PCDHA4: variants seen among roughly 807,000 people sequenced by gnomAD.
The protein encoded by PCDHA4 is protocadherin alpha 4.
Under a neutral mutation model 61.4 loss-of-function variants are expected in PCDHA4, and 49 were observed. That is an observed-to-expected ratio of 0.80 (90% CI 0.63 to 1.01). The LOEUF (loss-of-function observed/expected upper bound fraction) is 1.01, where lower values mean the gene tolerates loss of function less well. Among genes scored for constraint, PCDHA4 ranks in the 50% least tolerant of loss-of-function variants. The probability of loss-of-function intolerance (pLI) is 0.00; values close to 1 mark genes in which losing one functional copy is unlikely to be tolerated. For missense variants in PCDHA4, 1,254 were observed against 1,235.8 expected (o/e 1.01, Z -0.22); for synonymous variants, 590 against 550.3 (o/e 1.07, Z -1.01).
chr5:140,884,534 C>T (rs781847666), intron 1 of PCDHA4: 3 of 1,614,180 alleles, frequency 1.9e-6, no homozygotes, highest in Admixed American at 3.3e-5. Context: ...GCAGAGGCGG[C>T]CGAGGGTGTG....
intron 1 of PCDHA4, among the ~76,000 whole-genome samples, chr5:140,963,103 G>A (rs2095737477): frequency 1.3e-5 from 2 of 151,910 alleles, no homozygotes; most frequent in South Asian, 4.1e-4. Flanking sequence ...CTGCTTTCAG[G>A]TTGCTTATAA....
In PCDHA4 at chr5:141,010,461, G is replaced by A; in HGVS notation, c.*524G>A. The A allele has an allele frequency of 1.2e-6, 1 of 823,014 alleles. No homozygotes were observed. The highest frequency in any genetic ancestry group is 1.8e-6 in the Non-Finnish European group (1 of 553,022). The allele number at this position is 823,014 out of a possible 1,614,324, so 51.0% of individuals were successfully genotyped here. A position where few individuals can be genotyped will look rare whatever the true frequency, so the allele number is the denominator to read the frequency against. On this transcript the variant is annotated 3_prime_UTR_variant, in exon 4 of 4. Transcript: ENST00000530339. ...GACAAATAAACAGCGGAAGTTATCA[G>A]TATGGAGGGGAAGTGTAAACTTAAA...
chr5:140,850,343 C>T, intron 1 of PCDHA4: 1 of 1,597,790 alleles, frequency 6.3e-7, no homozygotes. Flanking sequence ...CAGAAACGGC[C>T]AGCGCGAGCA....
Position 140,828,872 on chromosome 5 carries a change from G to A in PCDHA4, c.2385+19300G>A, listed in dbSNP as rs1769998311. 15 of 1,614,106 alleles carry A rather than the reference G, an allele frequency of 9.3e-6. No individual in the cohort carries two copies. The highest frequency in any genetic ancestry group is 1.2e-5 in the Non-Finnish European group (14 of 1,180,040). On this transcript the variant is annotated intron_variant, in intron 1 of 3. Coordinates refer to ENST00000530339, the MANE Select transcript of PCDHA4 (RefSeq NM_018907.4). ...CGAAAATGCAGACAACGGAACAACA[G>A]TTATCAGACTGAATGCTTCTGATCG...
chr5:140,843,058 G>A, intron 1 of PCDHA4: 3 of 1,595,232 alleles, frequency 1.9e-6, no homozygotes, highest in Non-Finnish European at 2.6e-6. Flanking sequence ...CAGCGAGCAA[G>A]CTGGTGCCGC....
At chr5:140,887,679 C>G (rs2061539498) in intron 1 of PCDHA4, among the ~76,000 whole-genome samples, 1 of 152,058 alleles carries the variant, frequency 6.6e-6, no homozygotes, top group East Asian at 1.9e-4. Flanking sequence ...TCATTTTCAT[C>G]AAATTCAGGA....
chr5:140,830,375 G>A, intron 1 of PCDHA4: 1 of 1,614,172 alleles, frequency 6.2e-7, no homozygotes, highest in Non-Finnish European at 8.5e-7. Flanking sequence ...GTGCTCCGGG[G>A]AGGGCCCACC....
At chr5:140,826,525 A>G (rs1377538782) in intron 1 of PCDHA4, among the ~76,000 whole-genome samples, 2 of 152,162 alleles carry the variant, frequency 1.3e-5, no homozygotes, top group East Asian at 3.8e-4. Flanking sequence ...GTCATTTGAA[A>G]AGTCTTATTG....
intron 1 of PCDHA4, chr5:140,849,857 G>T (rs2150454251): frequency 1.9e-6 from 3 of 1,598,510 alleles, no homozygotes; most frequent in African/African-American, 2.7e-5. Context: ...ACGCACCAGC[G>T]TTCGCGCAGT....
chr5:140,818,971 T>G (rs1554127584), intron 1 of PCDHA4, among the ~76,000 whole-genome samples: 1 of 152,246 alleles, frequency 6.6e-6, no homozygotes, highest in East Asian at 1.9e-4. Flanking sequence ...AGGGATATGT[T>G]AGAACTATTC....
At chr5:140,914,033 G>A (rs1192515722) in intron 1 of PCDHA4, among the ~76,000 whole-genome samples, 1 of 152,138 alleles carries the variant, frequency 6.6e-6, no homozygotes, top group Non-Finnish European at 1.5e-5. Context: ...GTGCTGAGAA[G>A]AATGTGTATT....
At chr5:140,955,771 A>G (rs527455823) in intron 1 of PCDHA4, among the ~76,000 whole-genome samples, 1 of 152,168 alleles carries the variant, frequency 6.6e-6, no homozygotes, top group Admixed American at 6.5e-5. Context: ...GATTCTGTCT[A>G]TCCATGAGCA....
intron 3 of PCDHA4, among the ~76,000 whole-genome samples, chr5:141,000,403 A>G (rs1233777704): frequency 4.8e-5 from 4 of 84,110 alleles, no homozygotes; most frequent in Non-Finnish European, 9.0e-5. Context: ...CTCTATATAT[A>G]TATATATATA....
In PCDHA4 at chr5:140,904,046, T is replaced by C. The variant is rs2153483198; in HGVS notation, c.2386-74903T>C. 2.0e-5 allele frequency among the ~76,000 whole-genome samples: 3 copies of C among 152,346 alleles called. No homozygotes were observed. The East Asian group carries it at 5.8e-4, about 29-fold the overall frequency. ...GTATAATTTAACTTTTTAATTTTTT[T>C]ATTTCAATGGGTTTTTGGGGAACAG... On this transcript the variant is annotated intron_variant, in intron 1 of 3. Coordinates refer to ENST00000530339, the MANE Select transcript of PCDHA4 (RefSeq NM_018907.4).
chr5:140,829,719 C>G (rs2150173312), intron 1 of PCDHA4: 42 of 1,613,424 alleles, frequency 2.6e-5, no homozygotes, highest in Non-Finnish European at 3.3e-5. Context: ...GCGGGCGTGC[C>G]GCCTCTGGGC....
At chr5:140,846,379 T>C (rs1554141291) in intron 1 of PCDHA4, among the ~76,000 whole-genome samples, 2 of 135,592 alleles carry the variant, frequency 1.5e-5, no homozygotes, top group South Asian at 2.3e-4. Context: ...CTTTCTTTTT[T>C]TTTTTTTTTT....
intron 1 of PCDHA4, among the ~76,000 whole-genome samples, chr5:140,891,210 G>A (rs2062986388): frequency 1.3e-5 from 2 of 152,180 alleles, no homozygotes; most frequent in South Asian, 4.1e-4. Context: ...TTACCATGCT[G>A]TGTCTTTATA....
chr5:140,836,968 T>A, intron 1 of PCDHA4: 1 of 385,792 alleles, frequency 2.6e-6, no homozygotes, highest in South Asian at 6.2e-5. Flanking sequence ...TTGGCTACTC[T>A]CCATTTTTGG....
chr5:140,902,102 G>T (rs1407664200), intron 1 of PCDHA4, among the ~76,000 whole-genome samples: 1 of 151,098 alleles, frequency 6.6e-6, no homozygotes, highest in Non-Finnish European at 1.5e-5. Flanking sequence ...GGAGTCTTTA[G>T]ATTTTTTTAA....
Sources: allele counts gnomAD v4.1 joint callset (sites outside exome capture counted in the v4.1 genomes callset), GRCh38; gene constraint gnomAD v4.1.1; transcripts MANE v1.5; gene names NCBI Gene and HGNC (gene_info 2026-07-23, HGNC 2026-07-21).